SH3GL1: variants seen among roughly 807,000 people sequenced by gnomAD.
SH3GL1 encodes SH3 domain containing GRB2 like 1, endophilin A2.
In SH3GL1, 21 loss-of-function variants were observed where a neutral mutation model predicts 48.8. That is an observed-to-expected ratio of 0.43 (90% confidence interval 0.30 to 0.62). SH3GL1 has a LOEUF of 0.62. SH3GL1 is among the 20% of genes least tolerant of loss of function. SH3GL1 has a pLI of 0.11. For synonymous variants in SH3GL1, 282 were observed against 217.5 expected (o/e 1.30, Z -2.61); for missense variants, 454 against 503.0 (o/e 0.90, Z 0.93).
rs899091888 is a variant in SH3GL1, at chr19:4,364,471, C to T, written c.332-250G>A. The T allele has an allele frequency of 5.9e-6, 3 of 510,726 alleles. No homozygotes were observed. The South Asian group carries it at 6.1e-5, about 10-fold the overall frequency. 31.6% of individuals were successfully genotyped at this position (510,726 alleles called of 1,614,324 possible). A position where few individuals can be genotyped will look rare whatever the true frequency, so the allele number is the denominator to read the frequency against. On this transcript the variant is annotated intron_variant, in intron 4 of 9. Coordinates refer to ENST00000269886, the MANE Select transcript of SH3GL1 (RefSeq NM_003025.4). The stretch of plus-strand genomic sequence containing the variant: ...TCTTTGAGATGAAGTCTCGCTGTTG[C>T]CCAGGCTGCAGTGCAGTGGCATGAT...
intron 1 of SH3GL1, among the ~76,000 whole-genome samples, chr19:4,377,926 T>C (rs1387303040): frequency 6.6e-6 from 1 of 152,158 alleles, no homozygotes; most frequent in African/African-American, 2.4e-5. Flanking sequence ...GCCTGGGAGA[T>C]TCTGGCGGGT....
chr19:4,365,657 G>A (rs376605970), intron 3 of SH3GL1, 32 bp from the exon 4 acceptor site: 56 of 1,612,010 alleles, frequency 3.5e-5, no homozygotes, highest in Non-Finnish European at 4.4e-5. Flanking sequence ...GGTGTGGGCT[G>A]TGAGGCCTGC....
chr19:4,385,864 A>AC (rs1973226078), intron 1 of SH3GL1, among the ~76,000 whole-genome samples: 1 of 152,092 alleles, frequency 6.6e-6, no homozygotes, highest in African/African-American at 2.4e-5. Flanking sequence ...CCTCCCAGAC[A>AC]CCCACACTAC....
intron 1 of SH3GL1, among the ~76,000 whole-genome samples, chr19:4,382,744 A>G (rs1973161107): frequency 6.6e-6 from 1 of 152,072 alleles, no homozygotes; most frequent in Non-Finnish European, 1.5e-5. Flanking sequence ...CCTGCTTGCC[A>G]CAGGAGCTCA....
At position 4,387,507 on chromosome 19, in the gene SH3GL1, T is replaced by C. The variant is rs569591326; in HGVS notation, c.45+12817A>G. On this transcript the variant is annotated intron_variant, in intron 1 of 9. Transcript: ENST00000269886. ...ACGGGGTTTCATTGTGTTGCCCAAA[T>C]GGGCTTGAACAACTGGGCTAAAGCA... Among the ~76,000 whole-genome samples the C allele has an allele frequency of 7.9e-5, 12 of 151,854 alleles. No individual in the cohort carries two copies. In the East Asian group the frequency reaches 2.4e-3, roughly 30 times the overall value.
intron 1 of SH3GL1, among the ~76,000 whole-genome samples, chr19:4,370,472 T>TC (rs1245805953): frequency 6.6e-6 from 1 of 152,046 alleles, no homozygotes; most frequent in Non-Finnish European, 1.5e-5. Flanking sequence ...GAGACCACCC[T>TC]CCGCTGACTG....
Position 4,367,755 on chromosome 19 carries a change from G to A in SH3GL1, c.46-761C>T, listed in dbSNP as rs1277765673. ...CTCCCTCTGACAGCGCCTGGGATGCGAAAAACAGCCCTGAAATGTCCCATG... is the reference window on the plus strand; with the variant it reads ...CTCCCTCTGACAGCGCCTGGGATGCAAAAAACAGCCCTGAAATGTCCCATG... On this transcript the variant is annotated intron_variant, in intron 1 of 9. Coordinates refer to ENST00000269886, the MANE Select transcript of SH3GL1 (RefSeq NM_003025.4). This position sits in a 1 kb window ranked among gnomAD's most constrained non-coding sequence, Gnocchi z 4.2. Among the ~76,000 whole-genome samples the A allele has an allele frequency of 1.3e-5, 2 of 152,196 alleles. No homozygotes were observed. The highest frequency in any genetic ancestry group is 2.9e-5 in the Non-Finnish European group (2 of 68,046).
Position 4,389,064 on chromosome 19 carries a change from C to T in SH3GL1, c.45+11260G>A, listed in dbSNP as rs556621785. Among the ~76,000 whole-genome samples the T allele has an allele frequency of 3.9e-5, 6 of 152,194 alleles. No homozygotes were observed. Among genetic ancestry groups the T allele is most frequent in the Admixed American group, 6.5e-5 (1 of 15,286 alleles). Reference sequence around the variant, plus strand: ...ACCAGGGGCTGCTGTTGAGCCACCACCAGGGACACCACAGGGGCCCTGTGG... The same window carrying T: ...ACCAGGGGCTGCTGTTGAGCCACCATCAGGGACACCACAGGGGCCCTGTGG... On this transcript the variant is annotated intron_variant, in intron 1 of 9. Coordinates refer to ENST00000269886, the MANE Select transcript of SH3GL1 (RefSeq NM_003025.4). The surrounding 1 kb of genome is among the most constrained non-coding windows in gnomAD (Gnocchi z 4.5).
At chr19:4,384,162 T>C (rs1045841524) in intron 1 of SH3GL1, among the ~76,000 whole-genome samples, 3 of 152,124 alleles carry the variant, frequency 2.0e-5, no homozygotes, top group Non-Finnish European at 4.4e-5. Flanking sequence ...TCCAGAGGAA[T>C]TTACAGGCTG....
chr19:4,385,797 G>C (rs1246988505), intron 1 of SH3GL1, among the ~76,000 whole-genome samples: 4 of 152,178 alleles, frequency 2.6e-5, no homozygotes, highest in African/African-American at 9.7e-5. Context: ...TAAAAGCTAG[G>C]GCACAGCGCA....
In SH3GL1 at chr19:4,363,831, C is replaced by G; in HGVS notation, c.513G>C (p.Lys171Asn). 1 of 1,613,490 alleles carries G rather than the reference C, an allele frequency of 6.2e-7. No homozygotes were observed. Among genetic ancestry groups the G allele is most frequent in the Non-Finnish European group, 8.5e-7 (1 of 1,180,038 alleles). Residue 171 changes from lysine (K) to asparagine (N), a missense_variant, in exon 6 of 10, where the codon AAG becomes AAC. This residue lies in a region of SH3GL1 where 176 missense variants were observed against 256.2 expected (regional missense o/e 0.69). Transcript: ENST00000269886. ...CGGGGATCTTGCCCTGCCGCTTCTT[C>G]TTGTAGTCAAAGTCCAGGCGGCGGC... ...LEGRRLDFDY[K>N]KKRQGKIPDE...
intron 1 of SH3GL1, among the ~76,000 whole-genome samples, chr19:4,372,307 A>G (rs1026792653): frequency 3.3e-5 from 5 of 152,188 alleles, no homozygotes; most frequent in African/African-American, 1.2e-4. Flanking sequence ...CCGGCCCCCA[A>G]CGTCACAGAG....
chr19:4,398,302 G>A (rs1018331953), intron 1 of SH3GL1, among the ~76,000 whole-genome samples: 8 of 151,964 alleles, frequency 5.3e-5, no homozygotes, highest in African/African-American at 1.7e-4. Flanking sequence ...CTCATTCCTC[G>A]GTGGACTCTA....
Position 4,361,554 on chromosome 19 carries a change from G to T in SH3GL1, c.*46C>A, listed in dbSNP as rs765719135. ...TGGAATGCAGGAGACCCAGCAGGGG[G>T]TGCCGGCCAGTGTGGACGGAGGGGC... On this transcript the variant is annotated 3_prime_UTR_variant, in exon 10 of 10. Transcript: ENST00000269886. The T allele has an allele frequency of 8.4e-6, 12 of 1,422,328 alleles. 1 individual carries two copies. Among genetic ancestry groups the T allele is most frequent in the Middle Eastern group, 4.2e-4 (2 of 4,780 alleles). 88.1% of individuals were successfully genotyped at this position (1,422,328 alleles called of 1,614,324 possible). A position where few individuals can be genotyped will look rare whatever the true frequency, so the allele number is the denominator to read the frequency against.
chr19:4,375,582 G>A (rs1184151208), intron 1 of SH3GL1, among the ~76,000 whole-genome samples: 1 of 152,182 alleles, frequency 6.6e-6, no homozygotes, highest in Non-Finnish European at 1.5e-5. Context: ...ATCCAAACAT[G>A]GAGATGCCAG....
intron 1 of SH3GL1, among the ~76,000 whole-genome samples, chr19:4,370,803 G>A (rs1972884520): frequency 6.6e-6 from 1 of 152,248 alleles, no homozygotes; most frequent in Non-Finnish European, 1.5e-5. Context: ...GACCAGGGCT[G>A]AGAAGTCACT....
At chr19:4,381,697 T>C (rs894857018) in intron 1 of SH3GL1, among the ~76,000 whole-genome samples, 3 of 106,566 alleles carry the variant, frequency 2.8e-5, no homozygotes, top group African/African-American at 1.1e-4. Context: ...GCCTTTTTTT[T>C]TTTTTTTTTT....
At chr19:4,390,298 G>A (rs994773643) in intron 1 of SH3GL1, 1 of 152,298 alleles carries the variant, frequency 6.6e-6, no homozygotes, top group Non-Finnish European at 1.5e-5. Context: ...AACAGGAAAT[G>A]AGCAGAAACG....
intron 1 of SH3GL1, among the ~76,000 whole-genome samples, chr19:4,396,307 G>A (rs763021540): frequency 2.0e-5 from 3 of 152,114 alleles, no homozygotes; most frequent in Non-Finnish European, 4.4e-5. Flanking sequence ...GCTGAGGCAG[G>A]AGAATTGCTT....
Sources: allele counts gnomAD v4.1 joint callset (sites outside exome capture counted in the v4.1 genomes callset), GRCh38; gene constraint gnomAD v4.1.1; regional missense constraint gnomAD v4.1.1; non-coding constraint Gnocchi (gnomAD v3.1); transcripts MANE v1.5; gene names NCBI Gene and HGNC (gene_info 2026-07-23, HGNC 2026-07-21).